The following OTOG variants were observed in gnomAD, a reference collection of about 807,000 sequenced individuals.
OTOG encodes otogelin.
In OTOG, 296 loss-of-function variants were observed where a neutral mutation model predicts 313.8. The observed-to-expected ratio is 0.94, with a 90% CI of 0.86 to 1.04. The LOEUF (loss-of-function observed/expected upper bound fraction) is 1.04, where lower values mean the gene tolerates loss of function less well. OTOG is among the 50% of genes least tolerant of loss of function. The pLI is 0.00. For missense variants in OTOG, 3,948 were observed against 3,840.1 expected (o/e 1.03, Z -0.74); for synonymous variants, 1,533 against 1,554.9 (o/e 0.99, Z 0.33).
chr11:17,568,096 A>G (rs1852327014), intron 15 of OTOG, among the ~76,000 whole-genome samples: 2 of 128,408 alleles, frequency 1.6e-5, no homozygotes, highest in Admixed American at 1.4e-4. Context: ...TTCAGTGGAG[A>G]TGGGGTTTCA....
intron 32 of OTOG, 125 bp downstream of exon 32, chr11:17,602,502 T>C (rs1462376483): frequency 1.8e-6 from 2 of 1,128,418 alleles, no homozygotes; most frequent in African/African-American, 1.6e-5. Context: ...CAAGTGCCCC[T>C]CTCCCAGTTG....
chr11:17,593,694 C>A lies in OTOG; in HGVS notation c.3226C>A (p.His1076Asn), dbSNP rs1433390130. ...CACACTGGTGCATTTCCCACAGGAG[C>A]ACATCACCCTCTTGTGGGACCAGAG... ...FFTLVHFPQE[H>N]ITLLWDQRTT... The change falls in exon 27 of 56, where the codon CAC (histidine) becomes AAC (asparagine). Residue 1076 changes from histidine (H) to asparagine (N), a missense_variant. By Grantham distance (68) the His-to-Asn change is moderately conservative. Transcript: ENST00000399397. 6.5e-7 allele frequency: 1 copy of A among 1,548,874 alleles called. No homozygotes were observed. The highest frequency in any genetic ancestry group is 2.4e-5 in the East Asian group (1 of 40,924).
intron 6 of OTOG, 32 bp downstream of exon 6, chr11:17,553,551 A>G (rs1352109430): frequency 2.1e-6 from 3 of 1,410,454 alleles, no homozygotes; most frequent in Non-Finnish European, 2.8e-6. Context: ...CTGTCCAGGA[A>G]TGCTTCTCTA....
intron 39 of OTOG, among the ~76,000 whole-genome samples, chr11:17,621,711 G>A (rs77863510): frequency 4.6e-5 from 7 of 152,222 alleles, no homozygotes; most frequent in African/African-American, 1.7e-4. Context: ...CTGGGTTCCT[G>A]CTCCCTGCAC....
intron 3 of OTOG, among the ~76,000 whole-genome samples, chr11:17,551,137 A>G (rs1275440061): frequency 2.0e-5 from 3 of 152,346 alleles, no homozygotes; most frequent in Non-Finnish European, 1.5e-5. Flanking sequence ...ATCCAGCACA[A>G]TGCTTGGCAC....
intron 23 of OTOG, among the ~76,000 whole-genome samples, chr11:17,580,496 C>A (rs1452147230): frequency 2.0e-5 from 3 of 152,220 alleles, no homozygotes; most frequent in African/African-American, 7.2e-5. Flanking sequence ...ATTGAAGGCA[C>A]CTTGAGGACC....
chr11:17,548,400 G>A (rs1245697418), intron 3 of OTOG, among the ~76,000 whole-genome samples, 188 bp downstream of exon 3: 1 of 133,152 alleles, frequency 7.5e-6, no homozygotes, highest in Non-Finnish European at 1.6e-5. Context: ...TTAATCTCTT[G>A]GGGGTCTATA....
chr11:17,552,053 T>A lies in OTOG; in HGVS notation c.270T>A (p.His90Gln). The change falls in exon 4 of 56, where the codon CAT becomes CAA. Residue 90 changes from histidine to glutamine, a missense_variant. Coordinates refer to ENST00000399397, the MANE Select transcript of OTOG (RefSeq NM_001292063.2). ...VAMSSWERRL[H>Q]RAKCAPSYLF... ...TGTCTTCCTGGGAAAGGCGGCTCCA[T>A]CGGGCCAAGTGTGCACCATCCTGTA... The A allele has an allele frequency of 6.4e-7, 1 of 1,550,526 alleles. No individual in the cohort carries two copies. Among genetic ancestry groups the A allele is most frequent in the East Asian group, 2.4e-5 (1 of 40,918 alleles).
Position 17,578,476 on chromosome 11 carries a change from G to T in OTOG, c.2709G>T (p.Leu903=). ...ERTCEQQLLN[L]SVSARGPCLS... is the part of the protein sequence containing the mutation. The stretch of plus-strand genomic sequence containing the variant: ...CGTGTGAGCAGCAACTGCTGAACCT[G>T]AGCGTGTCAGCCCGTGGCCCCTGCC... The change falls in exon 23 of 56, where the codon CTG becomes CTT. Residue 903 remains leucine (L), a synonymous_variant. Transcript: ENST00000399397. 1 of 1,540,994 alleles carries T rather than the reference G, an allele frequency of 6.5e-7. No homozygotes were observed. Among genetic ancestry groups the T allele is most frequent in the Non-Finnish European group, 8.7e-7 (1 of 1,146,898 alleles).
rs529940989 is a variant in OTOG at position 17,615,705 on chromosome 11, C to T, written c.6528+2004C>T. 9.2e-5 allele frequency among the ~76,000 whole-genome samples: 14 copies of T among 152,206 alleles called. No individual in the cohort carries two copies. The South Asian group carries it at 2.5e-3, about 27-fold the overall frequency. ...CAGCAGTTTGGGAGGCCGAGGTGGGCGGATCTCAAGGTCAGGAGTTTGAGA... is the reference window on the plus strand; with the variant it reads ...CAGCAGTTTGGGAGGCCGAGGTGGGTGGATCTCAAGGTCAGGAGTTTGAGA... On this transcript the variant is annotated intron_variant, in intron 39 of 55. Coordinates refer to ENST00000399397, the MANE Select transcript of OTOG (RefSeq NM_001292063.2).
chr11:17,576,602 G>A lies in OTOG; in HGVS notation c.2533G>A (p.Asp845Asn). ...CCAGGGAGTGGACTATCCCCCCGGA[G>A]ACAGTGACATCCCATCCCTGGGCCA... The part of the protein sequence containing the change: ...HFQGVDYPPG[D>N]SDIPSLGHCH... The change falls in exon 21 of 56, where the codon GAC becomes AAC. Residue 845 changes from aspartate to asparagine, a missense_variant. Transcript: ENST00000399397. 6.4e-7 allele frequency: 1 copy of A among 1,550,554 alleles called. No individual in the cohort carries two copies. The highest frequency in any genetic ancestry group is 1.2e-5 in the South Asian group (1 of 84,050).
chr11:17,560,249 G>A (rs1401747773), intron 12 of OTOG, among the ~76,000 whole-genome samples: 3 of 152,180 alleles, frequency 2.0e-5, no homozygotes, highest in Non-Finnish European at 2.9e-5. Context: ...ATTGACTTTG[G>A]GAATCAGAAT....
In OTOG at chr11:17,610,013, T is replaced by G; in HGVS notation, c.4713T>G (p.Pro1571=). 4 of 1,546,620 alleles carry G rather than the reference T, an allele frequency of 2.6e-6. No homozygotes were observed. The South Asian group carries it at 3.6e-5, about 14-fold the overall frequency. ...ATACACCAGAGTCCTCATCCCTCCC[T>G]GTTGCACTGCAGACACCCACACCTG... ...IPHTPESSSL[P]VALQTPTPGM... Residue 1571 remains proline (P), a synonymous_variant, in exon 36 of 56, where the codon CCT becomes CCG. Coordinates refer to ENST00000399397, the MANE Select transcript of OTOG (RefSeq NM_001292063.2).
chr11:17,555,626 TG>T, intron 6 of OTOG, 152 bp from the exon 7 acceptor site: 1 of 602,476 alleles, frequency 1.7e-6, no homozygotes, highest in Admixed American at 2.7e-5. Context: ...GCCTCCCCTC[TG>T]TGATGTATGG....
At chr11:17,606,370 C>G (rs1334012174) in intron 33 of OTOG, among the ~76,000 whole-genome samples, 1 of 152,270 alleles carries the variant, frequency 6.6e-6, no homozygotes, top group African/African-American at 2.4e-5. Flanking sequence ...TGGGTCCTGC[C>G]TTCTGCCACA....
chr11:17,582,541 T>C (rs1042630983), intron 23 of OTOG, among the ~76,000 whole-genome samples: 5 of 152,202 alleles, frequency 3.3e-5, no homozygotes, highest in African/African-American at 1.2e-4. Context: ...ATATAAGAAA[T>C]TGTCAAGCTG....
Position 17,641,038 on chromosome 11 carries a change from A to G in OTOG, c.8137A>G (p.Asn2713Asp). The G allele has an allele frequency of 6.5e-7, 1 of 1,546,652 alleles. No homozygotes were observed. Among genetic ancestry groups the G allele is most frequent in the Non-Finnish European group, 8.7e-7 (1 of 1,146,594 alleles). Reference protein sequence around the residue: ...RCTTVLDPLTNFYQINTTSVL... With the variant: ...RCTTVLDPLTDFYQINTTSVL... ...CACCACCGTGCTCGACCCTCTCACC[A>G]ACTTCTACCAGATCAACACCACCTC... is the stretch of plus-strand genomic sequence containing the variant. Residue 2713 changes from asparagine to aspartate, a missense_variant, in exon 51 of 56, where the codon AAC becomes GAC. Physicochemically the swap from Asn to Asp is conservative, Grantham distance 23. Transcript: ENST00000399397.
rs1332233646 is a variant in OTOG, at chr11:17,586,591, G to T, written c.2867+10G>T. The T allele has an allele frequency of 7.4e-7, 1 of 1,356,874 alleles. No individual in the cohort carries two copies. 84.1% of individuals were successfully genotyped at this position (1,356,874 alleles called of 1,614,324 possible). A position where few individuals can be genotyped will look rare whatever the true frequency, so the allele number is the denominator to read the frequency against. On this transcript the variant is annotated intron_variant, in intron 24 of 55. Coordinates refer to ENST00000399397, the MANE Select transcript of OTOG (RefSeq NM_001292063.2). Reference sequence around the variant, plus strand: ...CTCCTTGCCATACCTGGTAAGTGAGGGTCCCAAGCAGGCTTTGCTTTTTTG... The same window carrying T: ...CTCCTTGCCATACCTGGTAAGTGAGTGTCCCAAGCAGGCTTTGCTTTTTTG...
At chr11:17,564,483 A>G (rs1340167933) in intron 15 of OTOG, among the ~76,000 whole-genome samples, 2 of 152,238 alleles carry the variant, frequency 1.3e-5, no homozygotes, top group Admixed American at 1.3e-4. Context: ...TGATTAGATT[A>G]TATGAGAAAA....
Sources: allele counts gnomAD v4.1 joint callset (sites outside exome capture counted in the v4.1 genomes callset), GRCh38; gene constraint gnomAD v4.1.1; transcripts MANE v1.5; gene names NCBI Gene and HGNC (gene_info 2026-07-23, HGNC 2026-07-21).